Variants in NOP16 observed in about 807,000 individuals in gnomAD.
NOP16 encodes the protein NOP16 nucleolar protein.
In NOP16, 14 loss-of-function variants were observed where a neutral mutation model predicts 22.7. The ratio of observed to expected loss-of-function variants is 0.62; its 90% CI spans 0.41 to 0.97. NOP16 has a LOEUF of 0.97. Ranked by LOEUF, NOP16 falls within the 50% of genes least tolerant of loss-of-function variation. NOP16 has a pLI of 0.00. For missense variants in NOP16, 198 were observed against 235.9 expected (o/e 0.84, Z 1.05); for synonymous variants, 80 against 83.6 (o/e 0.96, Z 0.23).
At chr5:176,385,067 G>A in intron 4 of NOP16, 154 bp downstream of exon 4, 1 of 657,752 alleles carries the variant, frequency 1.5e-6, no homozygotes, top group Admixed American at 2.3e-5. Flanking sequence ...ATTCATTCAA[G>A]TTAGATCCCT....
chr5:176,388,408 C>T, intron 1 of NOP16, 25 bp downstream of exon 1: 1 of 1,613,466 alleles, frequency 6.2e-7, no homozygotes, highest in Non-Finnish European at 8.5e-7. Flanking sequence ...AGGCCCACGG[C>T]CACCCGGAAC....
chr5:176,386,279 A>G, intron 3 of NOP16: 1 of 182,044 alleles, frequency 5.5e-6, no homozygotes. Context: ...AACCACTGAG[A>G]TAAAAGACAG....
intron 4 of NOP16, 75 bp downstream of exon 4, chr5:176,385,146 T>C: frequency 1.2e-6 from 1 of 828,720 alleles, no homozygotes; most frequent in Admixed American, 1.7e-5. Context: ...AGGAAACAGG[T>C]GCTGCGCAAG....
chr5:176,386,800 G>A, intron 3 of NOP16, 40 bp downstream of exon 3: 1 of 1,565,966 alleles, frequency 6.4e-7, no homozygotes, highest in East Asian at 2.2e-5. Flanking sequence ...TTCCCACAGT[G>A]CAGGACAGTG....
intron 3 of NOP16, chr5:176,386,217 A>G (rs574488126): frequency 2.6e-5 from 4 of 155,924 alleles, no homozygotes; most frequent in African/African-American, 9.7e-5. Flanking sequence ...CTTTGACTAC[A>G]GTAAGTGCCT....
intron 4 of NOP16, 42 bp downstream of exon 4, chr5:176,385,179 A>G: frequency 1.8e-6 from 2 of 1,134,012 alleles, no homozygotes; most frequent in Non-Finnish European, 2.7e-6. Context: ...CGAATGGTCC[A>G]GGGCGCCTTC....
At chr5:176,388,364 C>A in intron 1 of NOP16, 21 bp from the exon 2 acceptor site, 1 of 1,613,270 alleles carries the variant, frequency 6.2e-7, no homozygotes, top group Non-Finnish European at 8.5e-7. Flanking sequence ...AGAGAGACAT[C>A]GCGGATCCGT....
In NOP16 at chr5:176,384,032, A is replaced by T. The variant is rs974921243; in HGVS notation, c.*199T>A. ...GGTTCTGGCTTTTCCGTGAACCCCC[A>T]GATGAATATAAATTGGAGCCTCTGA... is the stretch of plus-strand genomic sequence containing the variant. On this transcript the variant is annotated 3_prime_UTR_variant, in exon 5 of 5. Transcript: ENST00000614830. The T allele has an allele frequency of 1.3e-6, 2 of 1,542,114 alleles. No homozygotes were observed. Among genetic ancestry groups the T allele is most frequent in the African/African-American group, 2.7e-5 (2 of 73,164 alleles).
chr5:176,388,456 C>T lies in NOP16; in HGVS notation c.84G>A (p.Arg28=), dbSNP rs777084499. 2.5e-6 allele frequency: 4 copies of T among 1,614,114 alleles called. No homozygotes were observed. The Admixed American group carries it at 5.0e-5, about 20-fold the overall frequency. The change falls in exon 1 of 5, where the codon CGG becomes CGA. Residue 28 remains arginine (R), a synonymous_variant. Coordinates refer to ENST00000614830, the MANE Select transcript of NOP16 (RefSeq NM_016391.8). ...NRKRLNRNAR[R]KAAPRIECSH... ...ACCATTCGATCCGCGGCGCTGCCTTCCGTCGAGCATTCCGGTTCAGACGCT... is the reference window on the plus strand; with the variant it reads ...ACCATTCGATCCGCGGCGCTGCCTTTCGTCGAGCATTCCGGTTCAGACGCT...
At chr5:176,387,074 CTCTCTTTT>C (rs1755910386) in intron 2 of NOP16, 165 bp from the exon 3 acceptor site, 8 of 543,342 alleles carry the variant, frequency 1.5e-5, no homozygotes, top group South Asian at 2.3e-5. Flanking sequence ...TTCTCTCTCT[CTCTCTTTT>C]TTTTTTTCTT....
intron 2 of NOP16, 86 bp from the exon 3 acceptor site, chr5:176,386,995 C>A: frequency 8.5e-7 from 1 of 1,181,108 alleles, no homozygotes; most frequent in South Asian, 1.2e-5. Context: ...CAACTACTAA[C>A]CCATAAGAAT....
At chr5:176,387,191 T>C (rs1487188963) in intron 2 of NOP16, among the ~76,000 whole-genome samples, 2 of 152,122 alleles carry the variant, frequency 1.3e-5, no homozygotes, top group East Asian at 3.9e-4. Flanking sequence ...AGTGATCTCC[T>C]GCCTCAGCCT....
intron 3 of NOP16, among the ~76,000 whole-genome samples, chr5:176,385,682 G>A (rs1755784153): frequency 6.6e-6 from 1 of 152,160 alleles, no homozygotes; most frequent in Non-Finnish European, 1.5e-5. Flanking sequence ...ACAGGACAGG[G>A]CTCCCTTCCA....
At chr5:176,385,684 T>TC (rs1276522934) in intron 3 of NOP16, among the ~76,000 whole-genome samples, 2 of 152,196 alleles carry the variant, frequency 1.3e-5, no homozygotes, top group East Asian at 3.9e-4. Flanking sequence ...AGGACAGGGC[T>TC]CCCTTCCAGC....
At chr5:176,386,970 C>T (rs1755897146) in intron 2 of NOP16, 61 bp from the exon 3 acceptor site, 1 of 1,428,268 alleles carries the variant, frequency 7.0e-7, no homozygotes, top group African/African-American at 1.4e-5. Context: ...TTATAGACTC[C>T]TGCTTATCCC....
rs1442608757 is a variant in NOP16 at position 176,388,549 on chromosome 5, C to T, written c.-10G>A. ...CCTTGGCCTTGGGCATCGCGCTGAC[C>T]ACCGCACCAGCAGCTCAAACACGCT... On this transcript the variant is annotated 5_prime_UTR_variant, in exon 1 of 5. Coordinates refer to ENST00000614830, the MANE Select transcript of NOP16 (RefSeq NM_016391.8). The T allele has an allele frequency of 3.1e-6, 5 of 1,604,504 alleles. No individual in the cohort carries two copies. The African/African-American group carries it at 4.0e-5, about 13-fold the overall frequency.
chr5:176,388,287 T>A lies in NOP16; in HGVS notation c.164A>T (p.Glu55Val). 5 of 1,614,164 alleles carry A rather than the reference T, an allele frequency of 3.1e-6. No homozygotes were observed. Among genetic ancestry groups the A allele is most frequent in the Non-Finnish European group, 4.2e-6 (5 of 1,180,020 alleles). ...HAKSVRQNLA[E>V]MGLAVDPNRA... ...GTTGGGGTCCACAGCCAACCCCATCTCGGCCAGGTTCTGCCGTACCGATTT... is the reference window on the plus strand; with the variant it reads ...GTTGGGGTCCACAGCCAACCCCATCACGGCCAGGTTCTGCCGTACCGATTT... Residue 55 changes from glutamate (E) to valine (V), a missense_variant, in exon 2 of 5, where the codon GAG becomes GTG. Transcript: ENST00000614830.
In NOP16 at chr5:176,385,263, G is replaced by A. The variant is rs1224220680; in HGVS notation, c.351C>T (p.Asp117=). ...KGNTLSRDLI[D]YVRYMVENHG... ...GGTTCTCTACCATGTAGCGTACATA[G>A]TCAATGAGGTCCCGAGACAGAGTAT... Residue 117 remains aspartate (D), a synonymous_variant, in exon 4 of 5, where the codon GAC becomes GAT. Coordinates refer to ENST00000614830, the MANE Select transcript of NOP16 (RefSeq NM_016391.8). 1 of 1,613,262 alleles carries A rather than the reference G, an allele frequency of 6.2e-7. No individual in the cohort carries two copies. The highest frequency in any genetic ancestry group is 8.5e-7 in the Non-Finnish European group (1 of 1,179,176).
intron 3 of NOP16, chr5:176,386,216 C>T (rs770709990): frequency 1.3e-5 from 2 of 155,154 alleles, no homozygotes; most frequent in Non-Finnish European, 2.9e-5. Context: ...TCTTTGACTA[C>T]AGTAAGTGCC....
Sources: gnomAD v4.1 joint callset for allele counts (sites outside exome capture counted in the v4.1 genomes callset) on GRCh38, gnomAD v4.1.1 for gene constraint, MANE v1.5 for transcripts, NCBI Gene and HGNC (gene_info 2026-07-23, HGNC 2026-07-21) for gene names.